PLS1: variants seen among roughly 807,000 people sequenced by gnomAD.
The protein encoded by PLS1 is plastin 1.
A neutral mutation model predicts 73.7 loss-of-function variants in PLS1; 32 were observed. That is an observed-to-expected ratio of 0.43 (90% CI 0.33 to 0.58). The LOEUF (loss-of-function observed/expected upper bound fraction) is 0.58, where lower values mean the gene tolerates loss of function less well. Among genes scored for constraint, PLS1 ranks in the 20% least tolerant of loss-of-function variants. The probability of loss-of-function intolerance (pLI) is 0.04; values close to 1 mark genes in which losing one functional copy is unlikely to be tolerated. For missense variants in PLS1, 633 were observed against 740.5 expected, an observed-to-expected ratio of 0.85 and a Z score of 1.68; for synonymous variants, 217 against 261.3, an observed-to-expected ratio of 0.83 and a Z score of 1.63.
intron 5 of PLS1, among the ~76,000 whole-genome samples, chr3:142,676,833 T>A (rs1193516279): frequency 6.6e-6 from 1 of 152,168 alleles, no homozygotes; most frequent in East Asian, 1.9e-4. Flanking sequence ...GGTCTTTTCT[T>A]TAGTTTATAA....
intron 1 of PLS1, among the ~76,000 whole-genome samples, chr3:142,659,194 T>A (rs1273552586): frequency 6.6e-6 from 1 of 152,090 alleles, no homozygotes; most frequent in Non-Finnish European, 1.5e-5. Context: ...AAAGGAAATT[T>A]TGGAGGATGG....
At chr3:142,646,691 G>C (rs2036960135) in intron 1 of PLS1, among the ~76,000 whole-genome samples, 1 of 152,252 alleles carries the variant, frequency 6.6e-6, no homozygotes, top group South Asian at 2.1e-4. Context: ...GTGGAGCTCT[G>C]TGGAGCTGTC....
intron 1 of PLS1, among the ~76,000 whole-genome samples, chr3:142,602,196 A>G (rs749293355): frequency 2.7e-5 from 4 of 150,026 alleles, no homozygotes; most frequent in Non-Finnish European, 4.4e-5. Context: ...TTCTCTGGGT[A>G]CACCATTAAA....
intron 2 of PLS1, among the ~76,000 whole-genome samples, chr3:142,665,279 TAA>T (rs142241902): frequency 1.5e-5 from 1 of 68,682 alleles, no homozygotes. Flanking sequence ...ACGATATGTT[TAA>T]AAAAAAAAAG....
chr3:142,643,236 G>A (rs1160491770), intron 1 of PLS1, among the ~76,000 whole-genome samples: 1 of 151,700 alleles, frequency 6.6e-6, no homozygotes, highest in Non-Finnish European at 1.5e-5. Context: ...AGTTGTGTCA[G>A]GGTAGAGAGT....
rs138462229 is a variant in PLS1, at chr3:142,597,971, C to A, written c.-37+1462C>A. On this transcript the variant is annotated intron_variant, in intron 1 of 15. Coordinates refer to ENST00000457734, the MANE Select transcript of PLS1 (RefSeq NM_001145319.2). ...ATTTGCTGGTCCTGAAAACGCCCTC[C>A]TTCCTTCCCTCAGTCACCTGGGCCC... Among the ~76,000 whole-genome samples the A allele has an allele frequency of 3.0e-3, 461 of 152,284 alleles. 1 individual carries two copies. The highest frequency in any genetic ancestry group is 0.01 in the African/African-American group (419 of 41,560).
At chr3:142,705,720 T>C (rs114688012) in intron 14 of PLS1, among the ~76,000 whole-genome samples, 14 of 152,372 alleles carry the variant, frequency 9.2e-5, no homozygotes, top group Non-Finnish European at 2.1e-4. Flanking sequence ...CTTAACAACA[T>C]TGCAAAGTGA....
intron 1 of PLS1, among the ~76,000 whole-genome samples, chr3:142,662,417 G>T (rs369182422): frequency 1.3e-5 from 2 of 152,096 alleles, no homozygotes; most frequent in East Asian, 3.9e-4. Flanking sequence ...GGGTCTATTG[G>T]GGGGTAGGGG....
Position 142,704,576 on chromosome 3 carries a change from C to A in PLS1, c.1619C>A (p.Ser540Tyr). 1 of 1,582,794 alleles carries A rather than the reference C, an allele frequency of 6.3e-7. No individual in the cohort carries two copies. Among genetic ancestry groups the A allele is most frequent in the Non-Finnish European group, 8.6e-7 (1 of 1,164,036 alleles). Residue 540 changes from serine (S) to tyrosine (Y), a missense_variant, in exon 14 of 16, where the codon TCC (serine) becomes TAC (tyrosine). Ser to Tyr is a moderately radical substitution (Grantham distance 144). Coordinates refer to ENST00000457734, the MANE Select transcript of PLS1 (RefSeq NM_001145319.2). ...AGTGCAAACAAAAAGACTTCTATTT[C>A]CAGCTTCAAGGTAATCAAGAGTCCT... is the stretch of plus-strand genomic sequence containing the variant. ...LKSANKKTSI[S>Y]SFKDKSISTS...
At chr3:142,691,623 C>G (rs1354408105) in intron 10 of PLS1, among the ~76,000 whole-genome samples, 1 of 152,020 alleles carries the variant, frequency 6.6e-6, no homozygotes, top group Non-Finnish European at 1.5e-5. Flanking sequence ...TATTTACTGT[C>G]TATTAAGATA....
chr3:142,601,570 C>G (rs2035928184), intron 1 of PLS1, among the ~76,000 whole-genome samples: 1 of 152,182 alleles, frequency 6.6e-6, no homozygotes, highest in Admixed American at 6.5e-5. Context: ...CAGTCTGTCA[C>G]CCAATCTGGA....
intron 6 of PLS1, among the ~76,000 whole-genome samples, chr3:142,679,858 C>T (rs1226726891): frequency 6.6e-6 from 1 of 152,096 alleles, no homozygotes; most frequent in African/African-American, 2.4e-5. Flanking sequence ...TATAAATTAC[C>T]TTGGGCAGTA....
At chr3:142,659,210 G>A (rs529782589) in intron 1 of PLS1, among the ~76,000 whole-genome samples, 4 of 152,280 alleles carry the variant, frequency 2.6e-5, no homozygotes, top group Admixed American at 2.0e-4. Flanking sequence ...GATGGATAAG[G>A]GGAAAAGCTG....
chr3:142,693,559 GTCTAAT>G (rs1367169748), intron 10 of PLS1, among the ~76,000 whole-genome samples: 4 of 152,122 alleles, frequency 2.6e-5, no homozygotes, highest in African/African-American at 9.7e-5. Flanking sequence ...CCATTCCACT[GTCTAAT>G]AACTTTGCCG....
chr3:142,628,915 A>G (rs1983434), intron 1 of PLS1, among the ~76,000 whole-genome samples: 91,730 of 152,070 alleles, frequency 0.6, 28,335 homozygotes, highest in African/African-American at 0.73. Context: ...AAAGCTGTAT[A>G]GAGTCAGATT....
intron 1 of PLS1, chr3:142,654,677 T>C (rs2107801306): frequency 6.6e-6 from 1 of 152,340 alleles, no homozygotes; most frequent in Non-Finnish European, 1.5e-5. Flanking sequence ...TTGATAGATT[T>C]AGAAGAAACA....
rs2038152406 is a variant in PLS1 at position 142,694,478 on chromosome 3, AG to A, written c.1189del (p.Glu397LysfsTer9). ...IDMNLLEGESKEERTFRNWMN... is the reference protein window; with the variant it reads ...IDMNLLEGESXEERTFRNWMN... ...CTTGTGTCTACTCTAGGAGAGAGCAAGGAAGAGAGAACATTTCGGAACTGGA... is the reference window on the plus strand; with the variant it reads ...CTTGTGTCTACTCTAGGAGAGAGCAAGAAGAGAGAACATTTCGGAACTGGA... On this transcript the variant is annotated frameshift_variant, in exon 11 of 16. Coordinates refer to ENST00000457734, the MANE Select transcript of PLS1 (RefSeq NM_001145319.2). LOFTEE classifies it high-confidence loss of function. 2 of 1,600,672 alleles carry A rather than the reference AG, an allele frequency of 1.2e-6. No homozygotes were observed. The highest frequency in any genetic ancestry group is 1.7e-6 in the Non-Finnish European group (2 of 1,168,012).
In PLS1 at chr3:142,711,755, TCA is replaced by T. The variant is rs575965093; in HGVS notation, c.1755-114_1755-113del. 2.5e-4 allele frequency: 341 copies of T among 1,347,548 alleles called. 5 individuals are homozygous for T. The Admixed American group carries it at 6.5e-3, about 26-fold the overall frequency. The allele number at this position is 1,347,548 out of a possible 1,614,324, so 83.5% of individuals were successfully genotyped here. ...TATATGTGAGTCTTAGATTTAAGACTCACAAACTTAACCTTTTCGTAAAACTA... is the reference window on the plus strand; with the variant it reads ...TATATGTGAGTCTTAGATTTAAGACTCAAACTTAACCTTTTCGTAAAACTA... On this transcript the variant is annotated intron_variant, in intron 15 of 15. Coordinates refer to ENST00000457734, the MANE Select transcript of PLS1 (RefSeq NM_001145319.2).
chr3:142,695,718 A>G (rs970257566), intron 11 of PLS1, among the ~76,000 whole-genome samples: 2 of 152,198 alleles, frequency 1.3e-5, no homozygotes, highest in Non-Finnish European at 2.9e-5. Flanking sequence ...AGCAAACTCT[A>G]TGTAGCCTGG....
Sources: allele counts gnomAD v4.1 joint callset (sites outside exome capture counted in the v4.1 genomes callset), GRCh38; gene constraint gnomAD v4.1.1; transcripts MANE v1.5; gene names NCBI Gene and HGNC (gene_info 2026-07-23, HGNC 2026-07-21).